NHSL1: variants seen among roughly 807,000 people sequenced by gnomAD.
NHSL1 encodes NHS like 1, also known as NHS-like protein 1.
A neutral mutation model predicts 95.0 loss-of-function variants in NHSL1; 48 were observed. That is an observed-to-expected ratio of 0.51 (90% CI 0.40 to 0.64). The LOEUF is 0.64. Among genes scored for constraint, NHSL1 ranks in the 30% least tolerant of loss-of-function variants. The pLI, the probability that NHSL1 is intolerant of heterozygous loss-of-function variation, is 0.00. For missense variants in NHSL1, 1,971 were observed against 2,077.7 expected (o/e 0.95, Z 1.00); for synonymous variants, 783 against 833.9 (o/e 0.94, Z 1.05).
In NHSL1 at chr6:138,432,633, G is replaced by A. The variant is rs1255707445; in HGVS notation, c.1712C>T (p.Ala571Val). 1 of 1,551,602 alleles carries A rather than the reference G, an allele frequency of 6.4e-7. No individual in the cohort carries two copies. Among genetic ancestry groups the A allele is most frequent in the African/African-American group, 1.4e-5 (1 of 73,012 alleles). The change falls in exon 6 of 8, where the codon GCA (alanine) becomes GTA (valine). Residue 571 changes from alanine (A) to valine (V), a missense_variant. Around this residue, in one of 3 missense-constraint regions of NHSL1, gnomAD observed 1,602 missense variants for 1,654.5 expected, o/e 0.97. Coordinates refer to ENST00000343505, the MANE Select transcript of NHSL1 (RefSeq NM_001144060.2). The surrounding 1 kb of genome is among the most constrained non-coding windows in gnomAD (Gnocchi z 4.4). ...TGTGGGAGTGGAATAGCCAGGAGTTGCTAAATGCGGCTTCAGGGGGGATGC... is the reference window on the plus strand; with the variant it reads ...TGTGGGAGTGGAATAGCCAGGAGTTACTAAATGCGGCTTCAGGGGGGATGC... The part of the protein sequence containing the change: ...GRASPLKPHL[A>V]TPGYSTPTSN...
chr6:138,656,532 A>G (rs896565021), intron 1 of NHSL1, among the ~76,000 whole-genome samples: 3 of 152,206 alleles, frequency 2.0e-5, no homozygotes, highest in Non-Finnish European at 4.4e-5. Flanking sequence ...TGAAATGTGC[A>G]TGTGTATTTT....
intron 1 of NHSL1, among the ~76,000 whole-genome samples, chr6:138,562,475 C>T (rs1385128596): frequency 6.6e-6 from 1 of 152,018 alleles, no homozygotes; most frequent in Non-Finnish European, 1.5e-5. Flanking sequence ...GGTGAAACGC[C>T]ATCTCTACTA....
At chr6:138,625,226 T>C (rs1381157608) in intron 1 of NHSL1, among the ~76,000 whole-genome samples, 1 of 152,150 alleles carries the variant, frequency 6.6e-6, no homozygotes, top group Non-Finnish European at 1.5e-5. Flanking sequence ...CACTGCAACC[T>C]CCGCCTCCCA....
intron 1 of NHSL1, among the ~76,000 whole-genome samples, chr6:138,589,940 G>A (rs7766343): frequency 0.075 from 11,348 of 152,064 alleles, 1,262 homozygotes; most frequent in African/African-American, 0.25. Context: ...TGTGCTGACC[G>A]GGCTGGCTCT....
intron 1 of NHSL1, among the ~76,000 whole-genome samples, chr6:138,561,863 T>C (rs547614409): frequency 6.6e-6 from 1 of 152,346 alleles, no homozygotes; most frequent in African/African-American, 2.4e-5. Context: ...CCATTTCTCT[T>C]ACAGCCTAAA....
In NHSL1 at chr6:138,429,654, G is replaced by C. The variant is rs553748643; in HGVS notation, c.4085+57C>G. 17 of 1,432,016 alleles carry C rather than the reference G, an allele frequency of 1.2e-5. No individual in the cohort carries two copies. In the East Asian group the frequency reaches 3.9e-4, roughly 33 times the overall value. The allele number at this position is 1,432,016 out of a possible 1,614,324, so 88.7% of individuals were successfully genotyped here. A position where few individuals can be genotyped will look rare whatever the true frequency, so the allele number is the denominator to read the frequency against. ...AGGAAGAAAAGTAAATTGAGGTGCT[G>C]CTTGGAAAGAAGGAATTACACAGTA... On this transcript the variant is annotated intron_variant, in intron 7 of 7. Coordinates refer to ENST00000343505, the MANE Select transcript of NHSL1 (RefSeq NM_001144060.2).
intron 3 of NHSL1, among the ~76,000 whole-genome samples, chr6:138,447,698 G>A (rs753397097): frequency 1.3e-5 from 2 of 152,102 alleles, no homozygotes; most frequent in East Asian, 1.9e-4. Context: ...GCTTGAACCC[G>A]GGAGGCAGAG....
chr6:138,446,225 C>G, intron 4 of NHSL1, among the ~76,000 whole-genome samples: 1 of 152,040 alleles, frequency 6.6e-6, no homozygotes. Context: ...TTAGTACAGA[C>G]AGGGTTTCAC....
intron 1 of NHSL1, among the ~76,000 whole-genome samples, chr6:138,513,690 C>T (rs1426832013): frequency 9.2e-5 from 14 of 152,154 alleles, no homozygotes; most frequent in African/African-American, 2.9e-4. Context: ...CACTCTCTTC[C>T]CATCATCCTT....
rs937873392 is a variant in NHSL1, at chr6:138,531,021, A to G, written c.16+14602T>C. Among the ~76,000 whole-genome samples the G allele has an allele frequency of 5.3e-5, 8 of 152,044 alleles. 1 individual carries two copies. In the East Asian group the frequency reaches 9.6e-4, roughly 18 times the overall value. On this transcript the variant is annotated intron_variant, in intron 1 of 4. Coordinates refer to the NHSL1 transcript ENST00000342260. ...CCACAGTTTTCTCCTCTCTTTTTCC[A>G]TGTGAAAATACTATGAGGAGACAGC...
intron 1 of NHSL1, among the ~76,000 whole-genome samples, chr6:138,569,301 GAA>G (rs1783737251): frequency 6.6e-6 from 1 of 151,952 alleles, no homozygotes; most frequent in Non-Finnish European, 1.5e-5. Context: ...GAGCGAGAGA[GAA>G]AAAGAGAGAG....
intron 1 of NHSL1, among the ~76,000 whole-genome samples, chr6:138,632,711 T>C (rs1270226054): frequency 1.3e-5 from 2 of 152,162 alleles, no homozygotes; most frequent in Non-Finnish European, 2.9e-5. Flanking sequence ...CAAGTCCTTT[T>C]GAATATCTGG....
rs149171773 is a variant in NHSL1 at position 138,436,744 on chromosome 6, G to T, written c.665-3064C>A. ...TCTTCAAAGCTTCAAAGGACAAATT[G>T]ACTCTTGTTACAGCCAAAGTAGCTG... On this transcript the variant is annotated intron_variant, in intron 5 of 7. Transcript: ENST00000343505. 7.9e-5 allele frequency among the ~76,000 whole-genome samples: 12 copies of T among 152,296 alleles called. No individual in the cohort carries two copies. The East Asian group carries it at 2.3e-3, about 29-fold the overall frequency.
At chr6:138,499,518 T>A (rs1404853999), upstream of NHSL1, 6 of 971,196 alleles carry the variant, frequency 6.2e-6, no homozygotes, top group South Asian at 1.4e-4. Context: ...TGAAACCTAA[T>A]CTTTAAGGCT....
intron 1 of NHSL1, among the ~76,000 whole-genome samples, chr6:138,614,581 A>AC (rs1287576824): frequency 1.3e-5 from 2 of 152,124 alleles, no homozygotes; most frequent in African/African-American, 4.8e-5. Flanking sequence ...GGTAGCTACT[A>AC]CCCATATTCC....
At chr6:138,628,945 A>AT (rs1311181932) in intron 1 of NHSL1, among the ~76,000 whole-genome samples, 1 of 152,168 alleles carries the variant, frequency 6.6e-6, no homozygotes, top group African/African-American at 2.4e-5. Context: ...AAACTCAACA[A>AT]TTTTTATCAG....
chr6:138,559,210 A>G (rs1455938339), intron 1 of NHSL1, among the ~76,000 whole-genome samples: 1 of 152,250 alleles, frequency 6.6e-6, no homozygotes, highest in African/African-American at 2.4e-5. Flanking sequence ...GATGGACAGT[A>G]GGCTGGTAAA....
At chr6:138,528,563 G>A (rs1296907513) in intron 1 of NHSL1, among the ~76,000 whole-genome samples, 1 of 152,210 alleles carries the variant, frequency 6.6e-6, no homozygotes, top group African/African-American at 2.4e-5. Context: ...AATGTAGGCA[G>A]TAATCACTTA....
intron 1 of NHSL1, among the ~76,000 whole-genome samples, chr6:138,554,365 C>A (rs1361637981): frequency 1.3e-5 from 2 of 152,172 alleles, no homozygotes; most frequent in African/African-American, 4.8e-5. Flanking sequence ...TCTGAGTAAT[C>A]TGAGGAAGTA....
Sources: allele counts gnomAD v4.1 joint callset (sites outside exome capture counted in the v4.1 genomes callset), GRCh38; gene constraint gnomAD v4.1.1; regional missense constraint gnomAD v4.1.1; non-coding constraint Gnocchi (gnomAD v3.1); transcripts MANE v1.5; gene names NCBI Gene and HGNC (gene_info 2026-07-23, HGNC 2026-07-21).